The following TLK1 variants were observed in gnomAD, a reference collection of about 807,000 sequenced individuals.
TLK1 encodes the protein serine/threonine-protein kinase tousled-like 1.
TLK1 carries 24 observed loss-of-function variants against 105.3 expected under a neutral mutation model. That is an observed-to-expected ratio of 0.23 (90% CI 0.17 to 0.32). The LOEUF is 0.32. Ranked by LOEUF, TLK1 falls within the 10% of genes least tolerant of loss-of-function variation. TLK1 has a pLI of 1.00. For missense variants in TLK1, 558 were observed against 910.5 expected (o/e 0.61, Z 4.98); for synonymous variants, 321 against 310.4 (o/e 1.03, Z -0.36).
chr2:171,020,536 TA>T (rs894471602), intron 12 of TLK1, among the ~76,000 whole-genome samples: 60 of 119,964 alleles, frequency 5.0e-4, no homozygotes, highest in South Asian at 5.1e-4. Flanking sequence ...CGAGACTGTC[TA>T]AAAAAAAAAA....
intron 2 of TLK1, among the ~76,000 whole-genome samples, chr2:171,089,883 T>C (rs999862716): frequency 3.9e-5 from 6 of 152,306 alleles, no homozygotes; most frequent in African/African-American, 1.4e-4. Flanking sequence ...TATCTAGTAG[T>C]ATAATTCTCC....
chr2:171,190,187 G>A (rs1326858722), intron 1 of TLK1, among the ~76,000 whole-genome samples: 1 of 152,206 alleles, frequency 6.6e-6, no homozygotes, highest in African/African-American at 2.4e-5. Context: ...TTTGGGAGAT[G>A]AAGCTAAGGG....
At chr2:171,160,969 G>GGCGGCGGCGGCGGCGGCGGCA (rs1553485639), upstream of TLK1, 2 of 184,872 alleles carry the variant, frequency 1.1e-5, no homozygotes, top group South Asian at 1.5e-4. This position sits in a 1 kb window ranked among gnomAD's most constrained non-coding sequence, Gnocchi z 4.4. Context: ...CTCCGGTAGC[G>GGCGGCGGCGGCGGCGGCGGCA]GCGGCGGCGG....
At chr2:171,142,265 A>C (rs1245979913) in intron 1 of TLK1, among the ~76,000 whole-genome samples, 1 of 152,242 alleles carries the variant, frequency 6.6e-6, no homozygotes, top group African/African-American at 2.4e-5. Context: ...AAACAGGATA[A>C]ACAGAAATCA....
chr2:171,028,106 T>C (rs577256114), intron 12 of TLK1, among the ~76,000 whole-genome samples: 15 of 152,182 alleles, frequency 9.9e-5, no homozygotes, highest in Non-Finnish European at 1.5e-4. Context: ...GAGGTTGCAC[T>C]GAGCTTAGAT....
intron 1 of TLK1, among the ~76,000 whole-genome samples, chr2:171,168,004 A>G (rs1387457658): frequency 6.6e-6 from 1 of 152,016 alleles, no homozygotes; most frequent in Non-Finnish European, 1.5e-5. Flanking sequence ...CACTTTACTT[A>G]TCCTAAATTT....
At chr2:171,119,157 G>C (rs922487214) in intron 1 of TLK1, among the ~76,000 whole-genome samples, 1 of 152,060 alleles carries the variant, frequency 6.6e-6, no homozygotes, top group African/African-American at 2.4e-5. Flanking sequence ...GTCTACCTTA[G>C]CCTCAATTTT....
chr2:171,211,915 G>A (rs1010837132), intron 1 of TLK1, among the ~76,000 whole-genome samples: 2 of 149,908 alleles, frequency 1.3e-5, no homozygotes, highest in African/African-American at 4.9e-5. Context: ...GTGCAATCTC[G>A]GCTCACTGCA....
At chr2:171,006,355 CTAG>C in intron 17 of TLK1, 73 bp from the exon 18 acceptor site, 2 of 1,475,526 alleles carry the variant, frequency 1.4e-6, no homozygotes, top group Non-Finnish European at 1.8e-6. Flanking sequence ...TTTAATTTTA[CTAG>C]TATTTTACTG....
At chr2:171,084,292 G>C (rs1688873817) in intron 2 of TLK1, among the ~76,000 whole-genome samples, 1 of 152,148 alleles carries the variant, frequency 6.6e-6, no homozygotes, top group Non-Finnish European at 1.5e-5. Flanking sequence ...GGAGTCCACG[G>C]TTACATTTAA....
At chr2:171,155,543 T>G (rs1330720178) in intron 1 of TLK1, 1 of 152,154 alleles carries the variant, frequency 6.6e-6, no homozygotes, top group Non-Finnish European at 1.5e-5. Context: ...TATATAAGTA[T>G]AGTTTAACTA....
chr2:171,107,328 A>C (rs550258473), intron 2 of TLK1, among the ~76,000 whole-genome samples: 4 of 152,298 alleles, frequency 2.6e-5, no homozygotes, highest in South Asian at 2.1e-4. Flanking sequence ...TGTAATAACT[A>C]ATCTATGGGG....
At chr2:171,114,555 G>A (rs1014650703) in intron 2 of TLK1, among the ~76,000 whole-genome samples, 5 of 152,182 alleles carry the variant, frequency 3.3e-5, no homozygotes, top group Admixed American at 1.3e-4. Context: ...AAAAAAGGTG[G>A]CCTGGTGCAG....
chr2:171,017,308 T>C (rs1401231387), intron 12 of TLK1, among the ~76,000 whole-genome samples: 8 of 152,218 alleles, frequency 5.3e-5, no homozygotes, highest in Non-Finnish European at 1.2e-4. Context: ...ATGTTACTAA[T>C]GTTTGCTGCT....
chr2:171,022,337 G>A (rs543429218), intron 12 of TLK1, among the ~76,000 whole-genome samples: 4 of 151,822 alleles, frequency 2.6e-5, no homozygotes, highest in South Asian at 2.1e-4. Flanking sequence ...ATCTTTTTGG[G>A]ACAACTACTC....
At chr2:171,190,872 G>A (rs1693133037) in intron 1 of TLK1, among the ~76,000 whole-genome samples, 1 of 151,794 alleles carries the variant, frequency 6.6e-6, no homozygotes, top group South Asian at 2.1e-4. Flanking sequence ...CCTTAATTTT[G>A]TGTTCTTCTG....
intron 1 of TLK1, among the ~76,000 whole-genome samples, chr2:171,204,138 TA>T (rs1335041853): frequency 2.6e-5 from 4 of 152,230 alleles, no homozygotes; most frequent in Admixed American, 6.5e-5. Flanking sequence ...AAAACAAATT[TA>T]AAACTTGTGA....
intron 1 of TLK1, 57 bp from the exon 2 acceptor site, chr2:171,117,914 TACAC>T (rs142720641): frequency 0.047 from 57,012 of 1,202,148 alleles, 1,742 homozygotes; most frequent in Non-Finnish European, 0.057. Context: ...ACTTTATACT[TACAC>T]ACACAAATAT....
chr2:171,048,584 A>G (rs1021381554), intron 10 of TLK1, among the ~76,000 whole-genome samples: 2 of 33,844 alleles, frequency 5.9e-5, no homozygotes, highest in Non-Finnish European at 2.0e-4. Context: ...GATCACGTAC[A>G]CTATATGTAA....
Sources: allele counts gnomAD v4.1 joint callset (sites outside exome capture counted in the v4.1 genomes callset), GRCh38; gene constraint gnomAD v4.1.1; non-coding constraint Gnocchi (gnomAD v3.1); transcripts MANE v1.5; gene names NCBI Gene and HGNC (gene_info 2026-07-23, HGNC 2026-07-21).